Variants in NTM observed in about 807,000 individuals in gnomAD.
NTM encodes the protein IgLON family member 2.
In NTM, 13 loss-of-function variants were observed where a neutral mutation model predicts 42.1. The observed-to-expected ratio is 0.31, with a 90% CI of 0.20 to 0.49. The LOEUF (loss-of-function observed/expected upper bound fraction) is 0.49. Among genes scored for constraint, NTM ranks in the 20% least tolerant of loss-of-function variants. NTM has a pLI of 0.99. For missense variants in NTM, 373 were observed against 452.8 expected (o/e 0.82, Z 1.60); for synonymous variants, 187 against 179.2 (o/e 1.04, Z -0.35).
At chr11:131,689,971 T>C (rs1384972878) in intron 1 of NTM, among the ~76,000 whole-genome samples, 1 of 152,132 alleles carries the variant, frequency 6.6e-6, no homozygotes, top group Non-Finnish European at 1.5e-5. Context: ...CCCTATGCTG[T>C]TGTGTTGGCA....
intron 4 of NTM, among the ~76,000 whole-genome samples, chr11:132,220,856 CAA>C (rs952037356): frequency 6.6e-5 from 10 of 152,286 alleles, no homozygotes; most frequent in African/African-American, 2.2e-4. Context: ...CAGTAAGATG[CAA>C]AGTCTCATTA....
chr11:131,641,521 G>A (rs113468409), intron 1 of NTM, among the ~76,000 whole-genome samples: 2,293 of 152,214 alleles, frequency 0.015, 39 homozygotes, highest in Non-Finnish European at 0.018. Context: ...GTCAAATGAA[G>A]AGAAAGTCTG....
chr11:131,616,198 C>A (rs1261404243), intron 1 of NTM, among the ~76,000 whole-genome samples: 1 of 152,198 alleles, frequency 6.6e-6, no homozygotes, highest in Non-Finnish European at 1.5e-5. Flanking sequence ...GGACAAATTG[C>A]ATCCTCTGCG....
chr11:132,200,520 C>T (rs1027130147), intron 3 of NTM, among the ~76,000 whole-genome samples: 1 of 152,208 alleles, frequency 6.6e-6, no homozygotes, highest in Admixed American at 6.5e-5. Context: ...CCACAGCCTT[C>T]TTACTGCAGT....
At chr11:131,923,568 C>T (rs1237838261) in intron 2 of NTM, among the ~76,000 whole-genome samples, 2 of 152,152 alleles carry the variant, frequency 1.3e-5, no homozygotes, top group Non-Finnish European at 2.9e-5. Flanking sequence ...ATAAAATCTA[C>T]ACATGTGGAA....
intron 1 of NTM, chr11:131,769,494 C>T: frequency 2.8e-6 from 1 of 353,194 alleles, no homozygotes. Context: ...TCATGAGGAA[C>T]TAATTATTCT....
intron 1 of NTM, among the ~76,000 whole-genome samples, chr11:131,899,695 A>ATTTAGAGATT (rs1361742043): frequency 1.3e-5 from 2 of 152,176 alleles, no homozygotes; most frequent in African/African-American, 4.8e-5. Context: ...TTCATATCTT[A>ATTTAGAGATT]TTTAGAGATT....
intron 1 of NTM, among the ~76,000 whole-genome samples, chr11:131,666,849 C>G (rs529117017): frequency 5.3e-5 from 8 of 152,314 alleles, no homozygotes; most frequent in Admixed American, 2.0e-4. Flanking sequence ...TCTTTTCCAG[C>G]TGTGGCTGGG....
At chr11:131,570,730 C>T (rs547238012) in intron 1 of NTM, among the ~76,000 whole-genome samples, 5 of 152,230 alleles carry the variant, frequency 3.3e-5, no homozygotes, top group South Asian at 4.2e-4. Flanking sequence ...GCCTGAGGCA[C>T]GAGAATCACT....
chr11:132,141,292 C>G (rs981376895), intron 2 of NTM, among the ~76,000 whole-genome samples: 2 of 151,828 alleles, frequency 1.3e-5, no homozygotes, highest in Admixed American at 1.3e-4. Context: ...ATCTCTCTTT[C>G]TCTTTTCTCA....
At chr11:131,407,733 G>T in intron 1 of NTM, among the ~76,000 whole-genome samples, 1 of 152,196 alleles carries the variant, frequency 6.6e-6, no homozygotes, top group Non-Finnish European at 1.5e-5. Flanking sequence ...GGACATTCTT[G>T]CCCTCGAGGT....
At chr11:131,863,560 A>C (rs1164979295) in intron 1 of NTM, among the ~76,000 whole-genome samples, 1 of 152,202 alleles carries the variant, frequency 6.6e-6, no homozygotes, top group Non-Finnish European at 1.5e-5. Context: ...AGTCGAATGC[A>C]AAGGCCATGA....
At chr11:131,807,017 G>A (rs1399013212) in intron 1 of NTM, among the ~76,000 whole-genome samples, 2 of 152,162 alleles carry the variant, frequency 1.3e-5, no homozygotes, top group African/African-American at 4.8e-5. Context: ...CAACGTTAAA[G>A]GCCTTTCATG....
chr11:131,489,125 C>T (rs1954498222), intron 1 of NTM, among the ~76,000 whole-genome samples: 1 of 152,206 alleles, frequency 6.6e-6, no homozygotes, highest in Non-Finnish European at 1.5e-5. Flanking sequence ...CCCTTGGTTC[C>T]AAACATTATC....
At chr11:131,989,786 A>G (rs749782416) in intron 2 of NTM, among the ~76,000 whole-genome samples, 10 of 152,188 alleles carry the variant, frequency 6.6e-5, no homozygotes, top group Non-Finnish European at 1.3e-4. Context: ...CAAAGCATAT[A>G]GGAATAGGTT....
intron 1 of NTM, among the ~76,000 whole-genome samples, chr11:131,541,492 T>C (rs2053246836): frequency 6.6e-6 from 1 of 152,248 alleles, no homozygotes; most frequent in Non-Finnish European, 1.5e-5. Flanking sequence ...AAATGAGCTA[T>C]GTAAACCTAG....
intron 2 of NTM, among the ~76,000 whole-genome samples, chr11:132,118,232 A>G (rs1200551083): frequency 6.6e-6 from 1 of 152,124 alleles, no homozygotes; most frequent in East Asian, 1.9e-4. Flanking sequence ...AAACTGAAAG[A>G]CCAGCTGATT....
chr11:131,968,485 C>A lies in NTM; in HGVS notation c.167+56837C>A, dbSNP rs547672168. Among the ~76,000 whole-genome samples, 4 of 152,254 alleles carry A rather than the reference C, an allele frequency of 2.6e-5. No individual in the cohort carries two copies. In the East Asian group the frequency reaches 7.7e-4, roughly 29 times the overall value. On this transcript the variant is annotated intron_variant, in intron 2 of 8. Transcript: ENST00000683400. ...GGCAGGTGGCGGCCCTTCTTCCAAT[C>A]GTACCCAGCAAAAGTAGGCTCAGGG...
chr11:131,914,016 T>A (rs1446983774), intron 2 of NTM, among the ~76,000 whole-genome samples: 7 of 152,192 alleles, frequency 4.6e-5, no homozygotes, highest in Admixed American at 3.9e-4. Flanking sequence ...CAGACTCTGA[T>A]GCGCTAGAAC....
Sources: gnomAD v4.1 joint callset for allele counts (sites outside exome capture counted in the v4.1 genomes callset) on GRCh38, gnomAD v4.1.1 for gene constraint, MANE v1.5 for transcripts, NCBI Gene and HGNC (gene_info 2026-07-23, HGNC 2026-07-21) for gene names.